The following COL5A2 variants were observed in gnomAD, a reference collection of about 807,000 sequenced individuals.
COL5A2 encodes collagen alpha-2(V) chain.
In COL5A2, 23 loss-of-function variants were observed where a neutral mutation model predicts 208.2. The observed-to-expected ratio is 0.11, with a 90% CI of 0.08 to 0.16. The LOEUF is 0.16. Ranked by LOEUF, COL5A2 falls within the 10% of genes least tolerant of loss-of-function variation. The pLI is 1.00. For synonymous variants in COL5A2, 625 were observed against 628.5 expected, an observed-to-expected ratio of 0.99 and a Z score of 0.08; for missense variants, 1,590 against 1,956.4, an observed-to-expected ratio of 0.81 and a Z score of 3.53.
At chr2:189,404,311 T>C in the COL5A2 span, among the ~76,000 whole-genome samples, 2 of 152,174 alleles carry the variant, frequency 1.3e-5, no homozygotes, top group African/African-American at 4.8e-5. Context: ...AGGGCCTGAA[T>C]AGAACAGAAA....
intron 32 of COL5A2, 65 bp from the exon 33 acceptor site, chr2:189,058,592 T>C: frequency 7.1e-7 from 1 of 1,417,200 alleles, no homozygotes; most frequent in East Asian, 2.3e-5. Flanking sequence ...AAAATGTTTC[T>C]GAGAAATGGC....
the COL5A2 span, among the ~76,000 whole-genome samples, chr2:189,291,640 G>C: frequency 1.3e-5 from 2 of 151,876 alleles, no homozygotes; most frequent in Admixed American, 1.3e-4. Flanking sequence ...CATACAACAT[G>C]GTGGTTATAA....
At chr2:189,109,962 AT>A (rs2105711288) in intron 2 of COL5A2, among the ~76,000 whole-genome samples, 1 of 152,340 alleles carries the variant, frequency 6.6e-6, no homozygotes, top group African/African-American at 2.4e-5. Context: ...ATCTTAAGTG[AT>A]TCAAGAAATT....
intron 21 of COL5A2, 78 bp downstream of exon 21, chr2:189,067,937 A>C (rs1430838083): frequency 4.3e-6 from 5 of 1,170,570 alleles, no homozygotes; most frequent in Non-Finnish European, 6.4e-6. Flanking sequence ...GTTTCATTGC[A>C]TCACATGACA....
the COL5A2 span, among the ~76,000 whole-genome samples, chr2:189,422,433 C>G: frequency 1.8e-3 from 279 of 151,996 alleles, 1 homozygote; most frequent in African/African-American, 6.3e-3. Flanking sequence ...ATTGATCAAG[C>G]AGAAGAAAGA....
the COL5A2 span, among the ~76,000 whole-genome samples, chr2:189,362,898 T>C: frequency 1.2e-4 from 19 of 152,008 alleles, no homozygotes; most frequent in Admixed American, 1.2e-3. Context: ...AAAGGGGAAG[T>C]AATTAGATAT....
the COL5A2 span, among the ~76,000 whole-genome samples, chr2:189,407,998 A>G: frequency 6.6e-6 from 1 of 152,290 alleles, no homozygotes; most frequent in Admixed American, 6.5e-5. Flanking sequence ...TGATAGTGAA[A>G]GTAGACTGCA....
intron 1 of COL5A2, among the ~76,000 whole-genome samples, chr2:189,187,049 G>A (rs559521625): frequency 6.6e-6 from 1 of 152,208 alleles, no homozygotes; most frequent in Non-Finnish European, 1.5e-5. Context: ...GGCATCAATC[G>A]TTACATTTAG....
chr2:189,301,496 G>GT, the COL5A2 span, among the ~76,000 whole-genome samples: 2 of 152,068 alleles, frequency 1.3e-5, no homozygotes, highest in African/African-American at 2.4e-5. Flanking sequence ...CATTTTTGCT[G>GT]TTTTTTCCTC....
chr2:189,318,312 T>C, the COL5A2 span, among the ~76,000 whole-genome samples: 1 of 152,216 alleles, frequency 6.6e-6, no homozygotes, highest in Non-Finnish European at 1.5e-5. Context: ...ACCTGTAGTG[T>C]CAACCTATAT....
At chr2:189,170,719 G>A (rs929238194) in intron 1 of COL5A2, among the ~76,000 whole-genome samples, 15 of 152,006 alleles carry the variant, frequency 9.9e-5, no homozygotes, top group Non-Finnish European at 1.6e-4. Flanking sequence ...GTCTTGCAAG[G>A]CAGCTGGATA....
At chr2:189,091,986 A>G (rs1466857737) in intron 7 of COL5A2, among the ~76,000 whole-genome samples, 2 of 152,312 alleles carry the variant, frequency 1.3e-5, no homozygotes, top group East Asian at 3.9e-4. Flanking sequence ...AGAGAATAGG[A>G]CAGATAAATC....
chr2:189,047,936 C>A (rs188546088), intron 45 of COL5A2, among the ~76,000 whole-genome samples: 1 of 152,296 alleles, frequency 6.6e-6, no homozygotes, highest in Non-Finnish European at 1.5e-5. Context: ...TAGAACACTT[C>A]ATATATATCC....
the COL5A2 span, among the ~76,000 whole-genome samples, chr2:189,356,826 G>A: frequency 1.1e-4 from 17 of 152,094 alleles, no homozygotes; most frequent in Admixed American, 3.9e-4. Context: ...TCTGGTTTTC[G>A]GAATTTTCAG....
At chr2:189,246,185 C>A in the COL5A2 span, among the ~76,000 whole-genome samples, 2 of 152,004 alleles carry the variant, frequency 1.3e-5, no homozygotes, top group African/African-American at 4.8e-5. Context: ...ATGAAAAATT[C>A]AGTTCTCACC....
At chr2:189,271,758 C>T in the COL5A2 span, among the ~76,000 whole-genome samples, 4 of 152,088 alleles carry the variant, frequency 2.6e-5, no homozygotes, top group Non-Finnish European at 4.4e-5. Context: ...GCAGTCTATC[C>T]ATCTGACAAA....
At chr2:189,426,257 C>T in the COL5A2 span, among the ~76,000 whole-genome samples, 1 of 152,142 alleles carries the variant, frequency 6.6e-6, no homozygotes, top group African/African-American at 2.4e-5. Context: ...TAGGACCTTA[C>T]TAAGCTAAAG....
At chr2:189,389,057 T>C in the COL5A2 span, among the ~76,000 whole-genome samples, 2 of 152,316 alleles carry the variant, frequency 1.3e-5, no homozygotes, top group Middle Eastern at 6.8e-3. Context: ...TAGTCTGTTA[T>C]AGTTCTATGT....
the COL5A2 span, among the ~76,000 whole-genome samples, chr2:189,260,227 G>A: frequency 6.6e-5 from 10 of 152,198 alleles, no homozygotes; most frequent in East Asian, 1.5e-3. Context: ...TCATTTCAGG[G>A]GAATCACAGC....
Sources: allele counts gnomAD v4.1 joint callset (sites outside exome capture counted in the v4.1 genomes callset), GRCh38; gene constraint gnomAD v4.1.1; transcripts MANE v1.5; gene names NCBI Gene and HGNC (gene_info 2026-07-23, HGNC 2026-07-21).